The following SLC44A5 variants were observed in gnomAD, a reference collection of about 807,000 sequenced individuals.
The protein encoded by SLC44A5 is solute carrier family 44 member 5, also known as choline transporter-like protein 5.
In SLC44A5, 57 loss-of-function variants were observed where a neutral mutation model predicts 101.8. The ratio of observed to expected loss-of-function variants is 0.56; its 90% CI spans 0.45 to 0.70. The LOEUF is 0.70. Ranked by LOEUF, SLC44A5 falls within the 30% of genes least tolerant of loss-of-function variation. The pLI, the probability that SLC44A5 is intolerant of heterozygous loss-of-function variation, is 0.00. For missense variants in SLC44A5, 737 were observed against 853.1 expected (o/e 0.86, Z 1.70); for synonymous variants, 281 against 290.9 (o/e 0.97, Z 0.35).
At chr1:75,615,448 C>T (rs147248334), upstream of SLC44A5, among the ~76,000 whole-genome samples, 408 of 31,198 alleles carry the variant, frequency 0.013, no homozygotes, top group Non-Finnish European at 0.043. Flanking sequence ...CACACACACA[C>T]ACACACACAC....
At chr1:75,254,145 TCTC>T (rs1483012934) in intron 6 of SLC44A5, among the ~76,000 whole-genome samples, 4 of 151,936 alleles carry the variant, frequency 2.6e-5, no homozygotes, top group Non-Finnish European at 4.4e-5. Flanking sequence ...TTCAAGCAAT[TCTC>T]CTGCCTCGGC....
At chr1:75,372,858 T>C (rs1007228013) in intron 3 of SLC44A5, among the ~76,000 whole-genome samples, 1 of 152,196 alleles carries the variant, frequency 6.6e-6, no homozygotes, top group Non-Finnish European at 1.5e-5. Flanking sequence ...ACATAATCAC[T>C]AAATCAAATC....
Position 75,479,261 on chromosome 1 carries a change from G to A in SLC44A5, c.13+62174C>T, listed in dbSNP as rs956681494. Reference sequence around the variant, plus strand: ...GGACATATTCAAAGCAGTGTGTAGCGGGAAACTTATAGCACTAAATGCCCA... The same window carrying A: ...GGACATATTCAAAGCAGTGTGTAGCAGGAAACTTATAGCACTAAATGCCCA... On this transcript the variant is annotated intron_variant, in intron 2 of 23. Transcript: ENST00000370859. 2.9e-4 allele frequency among the ~76,000 whole-genome samples: 44 copies of A among 152,130 alleles called. 1 individual carries two copies. Among genetic ancestry groups the A allele is most frequent in the East Asian group, 1.9e-4 (1 of 5,192 alleles).
chr1:75,316,460 G>T (rs1192064880), intron 4 of SLC44A5, among the ~76,000 whole-genome samples: 1 of 152,216 alleles, frequency 6.6e-6, no homozygotes, highest in Non-Finnish European at 1.5e-5. Flanking sequence ...CTAGGTTAAA[G>T]AGCAGTTCCC....
chr1:75,644,947 G>A, the SLC44A5 span, among the ~76,000 whole-genome samples: 1 of 152,074 alleles, frequency 6.6e-6, no homozygotes, highest in African/African-American at 2.4e-5. Context: ...CCCTCCAAAG[G>A]ACATGAACTC....
At chr1:75,603,760 T>TTTG (rs2102158227) in intron 1 of SLC44A5, among the ~76,000 whole-genome samples, 1 of 149,524 alleles carries the variant, frequency 6.7e-6, no homozygotes, top group South Asian at 2.1e-4. Flanking sequence ...CATGTTTTTT[T>TTTG]TTTTTTTTTT....
intron 2 of SLC44A5, among the ~76,000 whole-genome samples, chr1:75,430,136 C>CT (rs1664531831): frequency 6.6e-6 from 1 of 152,102 alleles, no homozygotes; most frequent in South Asian, 2.1e-4. Flanking sequence ...GAGATGGGAC[C>CT]TTCTGGGAAG....
At chr1:75,459,632 C>T (rs1450734859) in intron 2 of SLC44A5, among the ~76,000 whole-genome samples, 1 of 152,096 alleles carries the variant, frequency 6.6e-6, no homozygotes, top group Non-Finnish European at 1.5e-5. Context: ...TAGTTAGCAC[C>T]TGAGCCCTGG....
At chr1:75,699,211 C>T in the SLC44A5 span, among the ~76,000 whole-genome samples, 24 of 151,832 alleles carry the variant, frequency 1.6e-4, no homozygotes, top group Non-Finnish European at 3.2e-4. Flanking sequence ...TCAGATTCAC[C>T]AAAGTTGAAA....
intron 4 of SLC44A5, among the ~76,000 whole-genome samples, chr1:75,324,090 G>A (rs1321205364): frequency 6.6e-6 from 1 of 152,188 alleles, no homozygotes; most frequent in Non-Finnish European, 1.5e-5. Context: ...CATTTATTTA[G>A]TGGATATGAA....
the SLC44A5 span, among the ~76,000 whole-genome samples, chr1:75,617,507 C>T: frequency 1.3e-5 from 2 of 152,170 alleles, no homozygotes; most frequent in Non-Finnish European, 2.9e-5. Flanking sequence ...TCTTCCAGCT[C>T]CTGAGATATT....
At chr1:75,263,453 T>C (rs1650711240) in intron 6 of SLC44A5, among the ~76,000 whole-genome samples, 1 of 152,152 alleles carries the variant, frequency 6.6e-6, no homozygotes, top group Non-Finnish European at 1.5e-5. Flanking sequence ...CCAGTTAGAA[T>C]GATGGTCATT....
chr1:75,275,289 G>A (rs1651830955), intron 5 of SLC44A5, among the ~76,000 whole-genome samples: 1 of 152,118 alleles, frequency 6.6e-6, no homozygotes, highest in African/African-American at 2.4e-5. Flanking sequence ...ATGAGGTAAT[G>A]CACTTAGAAA....
intron 2 of SLC44A5, among the ~76,000 whole-genome samples, chr1:75,403,813 C>T (rs1177501236): frequency 6.6e-6 from 1 of 152,096 alleles, no homozygotes; most frequent in African/African-American, 2.4e-5. Flanking sequence ...CACAACTCCT[C>T]ACCAGCAAGG....
chr1:75,211,892 TTCTC>T (rs1290407290), intron 22 of SLC44A5, among the ~76,000 whole-genome samples: 5 of 150,260 alleles, frequency 3.3e-5, no homozygotes, highest in East Asian at 2.0e-4. Context: ...CTTCCTTCCT[TTCTC>T]TCTCTCTCTT....
At chr1:75,680,926 G>A in the SLC44A5 span, among the ~76,000 whole-genome samples, 1 of 149,600 alleles carries the variant, frequency 6.7e-6, no homozygotes, top group South Asian at 2.1e-4. Flanking sequence ...ATGATAAAGG[G>A]GATATCACCA....
At chr1:75,514,623 A>G (rs1389125968) in intron 2 of SLC44A5, among the ~76,000 whole-genome samples, 3 of 152,252 alleles carry the variant, frequency 2.0e-5, no homozygotes, top group African/African-American at 7.2e-5. Flanking sequence ...TTAAACACAC[A>G]TCATAGGAAA....
At chr1:75,444,674 C>A (rs1665443832) in intron 2 of SLC44A5, among the ~76,000 whole-genome samples, 1 of 151,056 alleles carries the variant, frequency 6.6e-6, no homozygotes, top group Admixed American at 6.6e-5. Context: ...CAAGAGATAG[C>A]AGGATGATTA....
chr1:75,430,348 G>C (rs1374213218), intron 2 of SLC44A5, among the ~76,000 whole-genome samples: 1 of 152,030 alleles, frequency 6.6e-6, no homozygotes, highest in African/African-American at 2.4e-5. Flanking sequence ...CTCATTCCTT[G>C]ATCTTGAGCT....
Sources: allele counts gnomAD v4.1 joint callset (sites outside exome capture counted in the v4.1 genomes callset), GRCh38; gene constraint gnomAD v4.1.1; transcripts MANE v1.5; gene names NCBI Gene and HGNC (gene_info 2026-07-23, HGNC 2026-07-21).